WDR59: variants seen among roughly 807,000 people sequenced by gnomAD.
The protein encoded by WDR59 is GATOR2 complex protein WDR59.
Under a neutral mutation model 131.2 loss-of-function variants are expected in WDR59, and 100 were observed. The observed-to-expected ratio is 0.76, with a 90% CI of 0.65 to 0.90. The LOEUF (loss-of-function observed/expected upper bound fraction) is 0.90, where lower values mean the gene tolerates loss of function less well. WDR59 is among the 40% of genes least tolerant of loss of function. The pLI is 0.00. For missense variants in WDR59, 1,203 were observed against 1,262.2 expected (o/e 0.95, Z 0.71); for synonymous variants, 601 against 466.2 (o/e 1.29, Z -3.72).
intron 6 of WDR59, among the ~76,000 whole-genome samples, chr16:74,948,034 C>A (rs1448546854): frequency 6.6e-6 from 1 of 152,122 alleles, no homozygotes; most frequent in Admixed American, 6.6e-5. Context: ...TGCACTACTG[C>A]ACTTCAGCCT....
chr16:74,920,778 C>T (rs2030139121), intron 10 of WDR59, among the ~76,000 whole-genome samples: 1 of 152,184 alleles, frequency 6.6e-6, no homozygotes, highest in African/African-American at 2.4e-5. Context: ...TGCATAAAAA[C>T]ACATGCATAA....
chr16:74,979,525 T>G lies in WDR59; in HGVS notation c.54+5439A>C, dbSNP rs537414393. Reference sequence around the variant, plus strand: ...AAAAAACAGTGTTGCTCTGGAAGATTACCTGCAAGTTGTGTGTTTTTTTTG... The same window carrying G: ...AAAAAACAGTGTTGCTCTGGAAGATGACCTGCAAGTTGTGTGTTTTTTTTG... On this transcript the variant is annotated intron_variant, in intron 1 of 25. Transcript: ENST00000262144. Among the ~76,000 whole-genome samples, 15 of 151,738 alleles carry G rather than the reference T, an allele frequency of 9.9e-5. No homozygotes were observed. The East Asian group carries it at 1.8e-3, about 18-fold the overall frequency.
intron 10 of WDR59, among the ~76,000 whole-genome samples, chr16:74,920,585 G>C (rs1355398565): frequency 6.6e-6 from 1 of 152,168 alleles, no homozygotes; most frequent in Non-Finnish European, 1.5e-5. Flanking sequence ...ATTTTCAGCA[G>C]AGATGGGGTT....
intron 8 of WDR59, among the ~76,000 whole-genome samples, chr16:74,933,139 C>CA (rs953903556): frequency 1.1e-4 from 16 of 151,376 alleles, no homozygotes; most frequent in Admixed American, 2.0e-4. Context: ...CCTACCTCTA[C>CA]AAAAAAAACA....
intron 3 of WDR59, among the ~76,000 whole-genome samples, chr16:74,954,960 G>A (rs541985507): frequency 8.0e-4 from 122 of 152,304 alleles, no homozygotes; most frequent in Admixed American, 1.4e-3. Flanking sequence ...GGGTTGCAAC[G>A]GAGGGAGGAA....
rs555380079 is a variant in WDR59, at chr16:74,941,431, C to T, written c.534+1307G>A. Among the ~76,000 whole-genome samples, 4 of 150,396 alleles carry T rather than the reference C, an allele frequency of 2.7e-5. No individual in the cohort carries two copies. The South Asian group carries it at 6.3e-4, about 24-fold the overall frequency. ...AGATGTGGCCAGGCGTGGTGGCTCACGCCTATAATCCCAGCACTTTGGGAG... is the reference window on the plus strand; with the variant it reads ...AGATGTGGCCAGGCGTGGTGGCTCATGCCTATAATCCCAGCACTTTGGGAG... On this transcript the variant is annotated intron_variant, in intron 7 of 25. Transcript: ENST00000262144.
At chr16:74,950,320 T>C (rs1014182085) in intron 4 of WDR59, among the ~76,000 whole-genome samples, 3 of 151,934 alleles carry the variant, frequency 2.0e-5, no homozygotes, top group African/African-American at 7.3e-5. Flanking sequence ...AGAGTGAAAC[T>C]CCATCTCAAA....
chr16:74,916,375 C>G, intron 11 of WDR59, 116 bp from the exon 12 acceptor site: 1 of 1,267,220 alleles, frequency 7.9e-7, no homozygotes, highest in Non-Finnish European at 1.1e-6. Context: ...ATGTGTCAGC[C>G]AAGAGCTGAC....
At chr16:74,902,409 G>A (rs904967120) in intron 18 of WDR59, among the ~76,000 whole-genome samples, 7 of 148,504 alleles carry the variant, frequency 4.7e-5, no homozygotes, top group Admixed American at 2.7e-4. Context: ...CGTGCTCTTG[G>A]TTCCTCTTTA....
At chr16:74,885,057 T>C (rs1354491200) in intron 25 of WDR59, among the ~76,000 whole-genome samples, 4 of 152,266 alleles carry the variant, frequency 2.6e-5, no homozygotes, top group Admixed American at 6.5e-5. Flanking sequence ...GTGTGGGCAC[T>C]GTGCCTAAGA....
Position 74,949,886 on chromosome 16 carries a change from C to A in WDR59, c.327-88G>T, listed in dbSNP as rs781470359. Reference sequence around the variant, plus strand: ...CACTAGCACATCGAGTCTCCAGTGGCTTCAGAATGTCATCATTAACGGGCT... The same window carrying A: ...CACTAGCACATCGAGTCTCCAGTGGATTCAGAATGTCATCATTAACGGGCT... On this transcript the variant is annotated intron_variant, in intron 4 of 25. Coordinates refer to ENST00000262144, the MANE Select transcript of WDR59 (RefSeq NM_030581.4). 2.3e-5 allele frequency: 27 copies of A among 1,164,334 alleles called. No homozygotes were observed. The South Asian group carries it at 3.2e-4, about 14-fold the overall frequency. 72.1% of individuals were successfully genotyped at this position (1,164,334 alleles called of 1,614,324 possible).
In WDR59 at chr16:74,917,208, G is replaced by T. The variant is rs552930264; in HGVS notation, c.966+721C>A. 1.2e-4 allele frequency among the ~76,000 whole-genome samples: 18 copies of T among 152,302 alleles called. No homozygotes were observed. The South Asian group carries it at 3.3e-3, about 28-fold the overall frequency. On this transcript the variant is annotated intron_variant, in intron 11 of 25. Coordinates refer to ENST00000262144, the MANE Select transcript of WDR59 (RefSeq NM_030581.4). The stretch of plus-strand genomic sequence containing the variant: ...CTGTGTGTGGTTCATGTAAGAAACA[G>T]ATATCATTTATCGGGAAAAAATTAC...
Position 74,949,873 on chromosome 16 carries a change from G to A in WDR59, c.327-75C>T, listed in dbSNP as rs564124162. 29 of 1,336,188 alleles carry A rather than the reference G, an allele frequency of 2.2e-5. 1 individual carries two copies. In the Admixed American group the frequency reaches 2.4e-4, roughly 11 times the overall value. 82.8% of individuals were successfully genotyped at this position (1,336,188 alleles called of 1,614,324 possible). A position where few individuals can be genotyped will look rare whatever the true frequency, so the allele number is the denominator to read the frequency against. On this transcript the variant is annotated intron_variant, in intron 4 of 25. Coordinates refer to ENST00000262144, the MANE Select transcript of WDR59 (RefSeq NM_030581.4). ...TCCAGGTCCAAAGCACTAGCACATC[G>A]AGTCTCCAGTGGCTTCAGAATGTCA...
At chr16:74,915,060 A>G (rs6564182) in intron 13 of WDR59, among the ~76,000 whole-genome samples, 151,508 of 152,354 alleles carry the variant, frequency 0.99, 75,345 homozygotes, top group Middle Eastern at 1. Flanking sequence ...CAGGCTAAGC[A>G]AACAAAGAAG....
intron 3 of WDR59, among the ~76,000 whole-genome samples, chr16:74,954,682 C>A (rs780481827): frequency 6.6e-6 from 1 of 152,206 alleles, no homozygotes; most frequent in African/African-American, 2.4e-5. Flanking sequence ...AGTACCTCCA[C>A]ACATATGTTC....
At chr16:74,915,300 A>G (rs1966311322) in intron 13 of WDR59, among the ~76,000 whole-genome samples, 1 of 152,224 alleles carries the variant, frequency 6.6e-6, no homozygotes, top group Non-Finnish European at 1.5e-5. Context: ...GAGATGCTGG[A>G]GCATCTAAGG....
At chr16:74,940,262 C>T (rs537802457) in intron 7 of WDR59, among the ~76,000 whole-genome samples, 54 of 151,658 alleles carry the variant, frequency 3.6e-4, no homozygotes, top group Non-Finnish European at 6.8e-4. Context: ...ACCTGTAATC[C>T]CAGCTACTCG....
At chr16:74,934,934 A>C (rs2145064601) in intron 8 of WDR59, among the ~76,000 whole-genome samples, 1 of 152,126 alleles carries the variant, frequency 6.6e-6, no homozygotes, top group South Asian at 2.1e-4. Flanking sequence ...TCTCACCAGA[A>C]TGTAGCAAGG....
intron 2 of WDR59, among the ~76,000 whole-genome samples, chr16:74,957,639 G>C (rs553036070): frequency 6.6e-6 from 1 of 152,226 alleles, no homozygotes; most frequent in South Asian, 2.1e-4. Flanking sequence ...TCAACATGAA[G>C]GATCTGAAAA....
Sources: gnomAD v4.1 joint callset for allele counts (sites outside exome capture counted in the v4.1 genomes callset) on GRCh38, gnomAD v4.1.1 for gene constraint, MANE v1.5 for transcripts, NCBI Gene and HGNC (gene_info 2026-07-23, HGNC 2026-07-21) for gene names.